TMEM231: variants seen among roughly 807,000 people sequenced by gnomAD.
TMEM231 encodes the protein transmembrane protein 231.
A neutral mutation model predicts 38.5 loss-of-function variants in TMEM231; 40 were observed. The ratio of observed to expected loss-of-function variants is 1.04; its 90% CI spans 0.81 to 1.35. The LOEUF (loss-of-function observed/expected upper bound fraction) is 1.35. TMEM231 is among the 40% of genes most tolerant of loss of function. The pLI, the probability that TMEM231 is intolerant of heterozygous loss-of-function variation, is 0.00. For synonymous variants in TMEM231, 199 were observed against 181.7 expected, an observed-to-expected ratio of 1.10 and a Z score of -0.77; for missense variants, 420 against 416.9, an observed-to-expected ratio of 1.01 and a Z score of -0.07.
At chr16:75,544,592 G>A (rs535766723) in intron 4 of TMEM231, among the ~76,000 whole-genome samples, 2 of 152,234 alleles carry the variant, frequency 1.3e-5, no homozygotes, top group African/African-American at 4.8e-5. Flanking sequence ...ATAGGTAAAC[G>A]CCTGCACTCA....
chr16:75,541,665 C>G (rs2080629958), intron 5 of TMEM231: 1 of 365,066 alleles, frequency 2.7e-6, no homozygotes, highest in Non-Finnish European at 4.9e-6. Context: ...ACATAAAAAA[C>G]TTGGAAAGAG....
Position 75,545,949 on chromosome 16 carries a change from T to C in TMEM231, c.315A>G (p.Arg105=). 1 of 1,529,720 alleles carries C rather than the reference T, an allele frequency of 6.5e-7. No individual in the cohort carries two copies. The highest frequency in any genetic ancestry group is 2.4e-5 in the East Asian group (1 of 40,902). 94.8% of individuals were successfully genotyped at this position (1,529,720 alleles called of 1,614,324 possible). ...TCCCATCCTGGTTCCTGTCTTCTTC[T>C]CTAGTCTAGGAAACCCAAACAGGCC... The part of the protein sequence containing the change: ...DRLRVPLVST[R]EEDRNQDGKT... Residue 105 remains arginine (R), a synonymous_variant, in exon 3 of 7, where the codon AGA becomes AGG. Transcript: ENST00000258173.
chr16:75,555,489 C>G (rs945912409), intron 2 of TMEM231: 2 of 355,438 alleles, frequency 5.6e-6, no homozygotes, highest in Non-Finnish European at 1.0e-5. Flanking sequence ...CAAACACCCT[C>G]CATCAGGCCA....
At position 75,546,385 on chromosome 16, in the gene TMEM231, T is replaced by C. The variant is rs375801262; in HGVS notation, c.310-431A>G. ...GTTAAAATAGAAAAACACCTAATCC[T>C]AATCATTATGCATTCCTCCAACAAA... is the stretch of plus-strand genomic sequence containing the variant. On this transcript the variant is annotated intron_variant, in intron 2 of 6. Transcript: ENST00000258173. Among the ~76,000 whole-genome samples the C allele has an allele frequency of 1.4e-4, 22 of 152,304 alleles. 1 individual carries two copies. The East Asian group carries it at 4.0e-3, about 28-fold the overall frequency.
chr16:75,553,564 G>A (rs1411040818), intron 2 of TMEM231, among the ~76,000 whole-genome samples: 1 of 148,744 alleles, frequency 6.7e-6, no homozygotes, highest in African/African-American at 2.5e-5. Context: ...AGAGGTTGCA[G>A]TGAGCTGAGA....
intron 2 of TMEM231, 86 bp from the exon 3 acceptor site, chr16:75,546,040 C>G (rs1382146060): frequency 6.4e-7 from 1 of 1,558,246 alleles, no homozygotes; most frequent in African/African-American, 1.4e-5. Context: ...CACAATGACC[C>G]ACTGTCTTGC....
rs1331135494 is a variant in TMEM231, at chr16:75,536,779, T to C, written c.*3215A>G. The C allele has an allele frequency of 6.6e-6, 1 of 152,162 alleles. No homozygotes were observed. Among genetic ancestry groups the C allele is most frequent in the Non-Finnish European group, 1.5e-5 (1 of 68,032 alleles). 9.4% of individuals were successfully genotyped at this position (152,162 alleles called of 1,614,324 possible). A position where few individuals can be genotyped will look rare whatever the true frequency, so the allele number is the denominator to read the frequency against. ...AGGTTTATAAAAGTGTTGTTTGTGATACTAAAAAGGTTACATACAACAAAA... is the reference window on the plus strand; with the variant it reads ...AGGTTTATAAAAGTGTTGTTTGTGACACTAAAAAGGTTACATACAACAAAA... On this transcript the variant is annotated 3_prime_UTR_variant, in exon 7 of 7. Coordinates refer to ENST00000258173, the MANE Select transcript of TMEM231 (RefSeq NM_001077418.3).
chr16:75,545,157 G>C (rs549933694), intron 4 of TMEM231, among the ~76,000 whole-genome samples, 195 bp downstream of exon 4: 1 of 151,652 alleles, frequency 6.6e-6, no homozygotes, highest in African/African-American at 2.4e-5. Context: ...GGTTTCACCA[G>C]GTTGGCCAGA....
intron 2 of TMEM231, among the ~76,000 whole-genome samples, chr16:75,549,947 G>A (rs575927704): frequency 6.6e-6 from 1 of 152,190 alleles, no homozygotes; most frequent in African/African-American, 2.4e-5. Flanking sequence ...GACCTTGGGT[G>A]ATCTGCCCGC....
chr16:75,556,176 C>A lies in TMEM231; in HGVS notation c.34G>T (p.Glu12Ter). Residue 12 changes from glutamate (E) to a stop codon, truncating the protein, a stop_gained, in exon 1 of 7, where the codon GAG becomes TAG. Coordinates refer to ENST00000258173, the MANE Select transcript of TMEM231 (RefSeq NM_001077418.3). LOFTEE classifies it high-confidence loss of function. ...ALYELFSHPV[E>*]RSYRAGLCSK... The stretch of plus-strand genomic sequence containing the variant: ...CAGAGCCCCGCGCGGTAACTGCGCT[C>A]GACCGGGTGAGAGAAGAGCTCATAG... 1.3e-6 allele frequency: 2 copies of A among 1,532,682 alleles called. No homozygotes were observed. Among genetic ancestry groups the A allele is most frequent in the South Asian group, 1.3e-5 (1 of 79,828 alleles). 94.9% of individuals were successfully genotyped at this position (1,532,682 alleles called of 1,614,324 possible).
chr16:75,549,829 T>C (rs1387466065), intron 2 of TMEM231, among the ~76,000 whole-genome samples: 1 of 152,064 alleles, frequency 6.6e-6, no homozygotes, highest in Non-Finnish European at 1.5e-5. Flanking sequence ...CTGCCTCAGC[T>C]TCCTGACTAG....
At chr16:75,540,253 A>T in intron 6 of TMEM231, 79 bp from the exon 7 acceptor site, 1 of 1,422,104 alleles carries the variant, frequency 7.0e-7, no homozygotes, top group Non-Finnish European at 9.4e-7. Flanking sequence ...GCTGTGGCAG[A>T]GGTATCTCGA....
chr16:75,555,272 G>T (rs1188764061), intron 2 of TMEM231: 1 of 153,742 alleles, frequency 6.5e-6, no homozygotes, highest in East Asian at 1.9e-4. Flanking sequence ...AGTCTCCAAT[G>T]GGACAAACCC....
In TMEM231 at chr16:75,537,131, AAAAAAAAAG is replaced by A; in HGVS notation, c.*2854_*2862del. 1 of 152,194 alleles carries A rather than the reference AAAAAAAAAG, an allele frequency of 6.6e-6. No homozygotes were observed. Among genetic ancestry groups the A allele is most frequent in the African/African-American group, 2.4e-5 (1 of 41,298 alleles). The allele number at this position is 152,194 out of a possible 1,614,324, so 9.4% of individuals were successfully genotyped here. On this transcript the variant is annotated 3_prime_UTR_variant, in exon 7 of 7. Coordinates refer to ENST00000258173, the MANE Select transcript of TMEM231 (RefSeq NM_001077418.3). Reference sequence around the variant, plus strand: ...AGTGAGACTCTGTCTCAAAAAAAAAAAAAAAAAAGAAAAAGAAAAAGAAAAGAAAAACCA... The same window carrying A: ...AGTGAGACTCTGTCTCAAAAAAAAAAAAAAAGAAAAAGAAAAGAAAAACCA...
chr16:75,543,079 A>G (rs2080646474), intron 4 of TMEM231, among the ~76,000 whole-genome samples: 2 of 152,074 alleles, frequency 1.3e-5, no homozygotes, highest in South Asian at 4.2e-4. Context: ...AATTCCTTAA[A>G]TTATTTTAAC....
chr16:75,539,738 A>G lies in TMEM231; in HGVS notation c.*256T>C, dbSNP rs924505898. On this transcript the variant is annotated 3_prime_UTR_variant, in exon 7 of 7. Coordinates refer to ENST00000258173, the MANE Select transcript of TMEM231 (RefSeq NM_001077418.3). ...TCTCCTGAAATTCAACGCTAAGGCA[A>G]AGAAGGAAAACCCAAAAAGCTAATT... 6 of 353,786 alleles carry G rather than the reference A, an allele frequency of 1.7e-5. No homozygotes were observed. Among genetic ancestry groups the G allele is most frequent in the African/African-American group, 1.3e-4 (6 of 47,708 alleles). 21.9% of individuals were successfully genotyped at this position (353,786 alleles called of 1,614,324 possible). A position where few individuals can be genotyped will look rare whatever the true frequency, so the allele number is the denominator to read the frequency against.
intron 4 of TMEM231, among the ~76,000 whole-genome samples, chr16:75,543,780 T>C (rs2080652872): frequency 6.6e-6 from 1 of 152,218 alleles, no homozygotes; most frequent in African/African-American, 2.4e-5. Flanking sequence ...ATCTGATATA[T>C]AGACATTCAA....
intron 4 of TMEM231, 70 bp downstream of exon 4, chr16:75,545,282 C>T (rs1292467227): frequency 1.9e-6 from 3 of 1,548,886 alleles, no homozygotes; most frequent in African/African-American, 1.4e-5. Flanking sequence ...TTTTCATTCC[C>T]CTCTTTAAAG....
intron 6 of TMEM231, among the ~76,000 whole-genome samples, chr16:75,540,395 A>G (rs973205473): frequency 6.6e-6 from 1 of 152,202 alleles, no homozygotes; most frequent in African/African-American, 2.4e-5. Context: ...CTAAACAGAC[A>G]ACTATGCCAA....
Sources: gnomAD v4.1 joint callset for allele counts (sites outside exome capture counted in the v4.1 genomes callset) on GRCh38, gnomAD v4.1.1 for gene constraint, MANE v1.5 for transcripts, NCBI Gene and HGNC (gene_info 2026-07-23, HGNC 2026-07-21) for gene names.